Variants in GOLPH3L observed in about 807,000 individuals in gnomAD.
GOLPH3L encodes the protein golgi phosphoprotein 3 like.
A neutral mutation model predicts 30.3 loss-of-function variants in GOLPH3L; 22 were observed. The observed-to-expected ratio is 0.73, with a 90% CI of 0.52 to 1.04. The LOEUF is 1.04. GOLPH3L is among the 50% of genes least tolerant of loss of function. The pLI is 0.00. For synonymous variants in GOLPH3L, 120 were observed against 128.2 expected (o/e 0.94, Z 0.43); for missense variants, 303 against 345.8 (o/e 0.88, Z 0.98).
intron 2 of GOLPH3L, among the ~76,000 whole-genome samples, chr1:150,685,981 TCTC>T (rs1476875262): frequency 6.7e-6 from 1 of 149,090 alleles, no homozygotes; most frequent in African/African-American, 2.5e-5. Context: ...TTCAAGCAAT[TCTC>T]CTGCCTCAGC....
chr1:150,675,013 G>A (rs1650738499), intron 2 of GOLPH3L, among the ~76,000 whole-genome samples: 1 of 152,020 alleles, frequency 6.6e-6, no homozygotes, highest in African/African-American at 2.4e-5. Flanking sequence ...TTGTGGTTAG[G>A]ACTACAGGTG....
At chr1:150,650,209 C>G (rs1650074339) in intron 4 of GOLPH3L, among the ~76,000 whole-genome samples, 1 of 152,090 alleles carries the variant, frequency 6.6e-6, no homozygotes, top group African/African-American at 2.4e-5. Context: ...ATTTAATTGG[C>G]TAAAAGGTCT....
At chr1:150,654,919 C>A (rs1047220209) in intron 4 of GOLPH3L, among the ~76,000 whole-genome samples, 4 of 152,218 alleles carry the variant, frequency 2.6e-5, no homozygotes, top group Admixed American at 6.5e-5. Context: ...CAAATACATA[C>A]AGGAGTCCTT....
chr1:150,692,274 T>G (rs1443807441), intron 2 of GOLPH3L, among the ~76,000 whole-genome samples: 1 of 152,262 alleles, frequency 6.6e-6, no homozygotes. Flanking sequence ...TCTATTCATT[T>G]ACACCTAAGG....
chr1:150,673,278 GA>G (rs1650685163), intron 2 of GOLPH3L, among the ~76,000 whole-genome samples: 1 of 152,058 alleles, frequency 6.6e-6, no homozygotes, highest in Non-Finnish European at 1.5e-5. Flanking sequence ...GAAAACGGAA[GA>G]AAAGCCAGGC....
chr1:150,696,093 T>C (rs1180353768), intron 1 of GOLPH3L, among the ~76,000 whole-genome samples: 1 of 152,164 alleles, frequency 6.6e-6, no homozygotes, highest in African/African-American at 2.4e-5. Flanking sequence ...TTTTTCAAGA[T>C]CAAAATAATG....
intron 2 of GOLPH3L, among the ~76,000 whole-genome samples, chr1:150,675,814 A>C (rs1461089253): frequency 7.2e-6 from 1 of 139,752 alleles, no homozygotes; most frequent in Non-Finnish European, 1.5e-5. Flanking sequence ...AAAAGTATTG[A>C]GGAGTAGAGA....
At chr1:150,692,239 A>G (rs1651230841) in intron 2 of GOLPH3L, among the ~76,000 whole-genome samples, 1 of 152,220 alleles carries the variant, frequency 6.6e-6, no homozygotes, top group Admixed American at 6.5e-5. Flanking sequence ...ACTACTATTT[A>G]AATAAATCAC....
intron 4 of GOLPH3L, among the ~76,000 whole-genome samples, chr1:150,658,645 C>G (rs1463519857): frequency 6.6e-6 from 1 of 152,110 alleles, no homozygotes; most frequent in Non-Finnish European, 1.5e-5. Context: ...CTGATTGGTC[C>G]CATAAGGGGA....
chr1:150,686,659 CA>C (rs1299188425), intron 2 of GOLPH3L, among the ~76,000 whole-genome samples: 3 of 152,040 alleles, frequency 2.0e-5, no homozygotes, highest in Non-Finnish European at 4.4e-5. Context: ...AATATGGAGG[CA>C]AAAGTGATGA....
At position 150,682,356 on chromosome 1, in the gene GOLPH3L, G is replaced by A. The variant is rs149270865; in HGVS notation, c.183+12300C>T. 6.3e-3 allele frequency among the ~76,000 whole-genome samples: 961 copies of A among 151,934 alleles called. 18 individuals carry two copies. Among genetic ancestry groups the A allele is most frequent in the African/African-American group, 0.021 (888 of 41,468 alleles). ...AGTGTTCTCATGGAGGGCCAGGAGC[G>A]GTGGCTCACACCTGTAATCCCAGCA... On this transcript the variant is annotated intron_variant, in intron 2 of 4. Coordinates refer to ENST00000271732, the MANE Select transcript of GOLPH3L (RefSeq NM_018178.6).
At chr1:150,664,051 T>C (rs78710746) in intron 2 of GOLPH3L, among the ~76,000 whole-genome samples, 1,529 of 152,102 alleles carry the variant, frequency 0.01, 20 homozygotes, top group African/African-American at 0.035. Context: ...CAGGCTGAAA[T>C]GCAGTGGCAT....
rs747831985 is a variant in GOLPH3L at position 150,663,601 on chromosome 1, A to G, written c.315+31T>C. Reference sequence around the variant, plus strand: ...GTACTGTTGGTATTTGCCTTTCCATAAGCCATGGACGTTCACAGAGGATTC... The same window carrying G: ...GTACTGTTGGTATTTGCCTTTCCATGAGCCATGGACGTTCACAGAGGATTC... On this transcript the variant is annotated intron_variant, in intron 3 of 4. Coordinates refer to ENST00000271732, the MANE Select transcript of GOLPH3L (RefSeq NM_018178.6). The G allele has an allele frequency of 7.1e-5, 111 of 1,572,204 alleles. No individual in the cohort carries two copies. In the East Asian group the frequency reaches 2.5e-3, roughly 36 times the overall value.
chr1:150,661,227 C>T (rs1410058691), intron 4 of GOLPH3L, among the ~76,000 whole-genome samples: 2 of 151,812 alleles, frequency 1.3e-5, no homozygotes, highest in South Asian at 2.1e-4. Context: ...GACTCCATCT[C>T]GAAATAATAA....
chr1:150,678,248 G>A (rs1450231699), intron 2 of GOLPH3L, among the ~76,000 whole-genome samples: 5 of 119,618 alleles, frequency 4.2e-5, no homozygotes, highest in South Asian at 2.9e-4. Flanking sequence ...TCAGTGAGCC[G>A]AGATCGCCTT....
intron 1 of GOLPH3L, 111 bp from the exon 2 acceptor site, chr1:150,694,961 A>C (rs1044293942): frequency 1.5e-6 from 1 of 657,664 alleles, no homozygotes; most frequent in African/African-American, 1.8e-5. Context: ...TACAGATTTA[A>C]ATATAGAAAG....
At chr1:150,685,625 G>C (rs1651064573) in intron 2 of GOLPH3L, among the ~76,000 whole-genome samples, 1 of 152,072 alleles carries the variant, frequency 6.6e-6, no homozygotes, top group African/African-American at 2.4e-5. Flanking sequence ...TGAGGCAAGA[G>C]AATTGCTTGA....
intron 4 of GOLPH3L, among the ~76,000 whole-genome samples, chr1:150,659,288 A>G (rs1650317087): frequency 1.3e-5 from 2 of 152,194 alleles, no homozygotes; most frequent in South Asian, 4.1e-4. Flanking sequence ...CATAAACAAA[A>G]TCTCTGCAGC....
intron 4 of GOLPH3L, among the ~76,000 whole-genome samples, chr1:150,654,615 A>C (rs1448325903): frequency 6.6e-6 from 1 of 152,244 alleles, no homozygotes; most frequent in Admixed American, 6.5e-5. Flanking sequence ...TCAACAGGGA[A>C]ATATTATGGC....
Sources: gnomAD v4.1 joint callset for allele counts (sites outside exome capture counted in the v4.1 genomes callset) on GRCh38, gnomAD v4.1.1 for gene constraint, MANE v1.5 for transcripts, NCBI Gene and HGNC (gene_info 2026-07-23, HGNC 2026-07-21) for gene names.